Variants in LRP1B observed in about 807,000 individuals in gnomAD.
The protein encoded by LRP1B is low-density lipoprotein receptor-related protein 1B.
Under a neutral mutation model 556.6 loss-of-function variants are expected in LRP1B, and 217 were observed. The observed-to-expected ratio is 0.39, with a 90% CI of 0.35 to 0.44. The LOEUF (loss-of-function observed/expected upper bound fraction) is 0.44. Ranked by LOEUF, LRP1B falls within the 20% of genes least tolerant of loss-of-function variation. The pLI is 1.00. For missense variants in LRP1B, 5,053 were observed against 5,620.8 expected, an observed-to-expected ratio of 0.90 and a Z score of 3.23; for synonymous variants, 2,047 against 1,865.8, an observed-to-expected ratio of 1.10 and a Z score of -2.50.
intron 43 of LRP1B, among the ~76,000 whole-genome samples, chr2:140,572,644 A>G (rs1265332474): frequency 4.0e-5 from 6 of 151,758 alleles, no homozygotes; most frequent in Non-Finnish European, 3.0e-5. Flanking sequence ...CATGGGAAAG[A>G]AAATTAGTAT....
intron 1 of LRP1B, among the ~76,000 whole-genome samples, chr2:141,955,792 A>G (rs1224207500): frequency 6.6e-6 from 1 of 152,016 alleles, no homozygotes; most frequent in Admixed American, 6.6e-5. Flanking sequence ...CTGTCTCTGC[A>G]TTTTCCAGTC....
chr2:140,490,146 G>A (rs1688639789), intron 57 of LRP1B, among the ~76,000 whole-genome samples: 1 of 152,034 alleles, frequency 6.6e-6, no homozygotes, highest in Admixed American at 6.6e-5. Flanking sequence ...TTTCATTTCT[G>A]TAGCTAAAGA....
chr2:141,206,445 C>A (rs1285583496), intron 6 of LRP1B, among the ~76,000 whole-genome samples: 2 of 151,804 alleles, frequency 1.3e-5, no homozygotes, highest in African/African-American at 2.4e-5. Context: ...ATTAGCCAGG[C>A]GTGGTGGCGG....
intron 3 of LRP1B, among the ~76,000 whole-genome samples, chr2:141,307,946 G>A (rs1212877257): frequency 6.6e-6 from 1 of 152,296 alleles, no homozygotes; most frequent in East Asian, 1.9e-4. Context: ...CTTTGTAATG[G>A]TGTTGGTGGT....
At chr2:140,974,100 A>C (rs1696518249) in intron 18 of LRP1B, among the ~76,000 whole-genome samples, 1 of 152,162 alleles carries the variant, frequency 6.6e-6, no homozygotes, top group South Asian at 2.1e-4. Context: ...GATTGTGGAC[A>C]AAGTTATTGA....
chr2:140,721,055 C>A (rs1051525351), intron 35 of LRP1B, among the ~76,000 whole-genome samples: 1 of 151,996 alleles, frequency 6.6e-6, no homozygotes, highest in African/African-American at 2.4e-5. Context: ...TAAATATATT[C>A]ATGTAAAAAG....
At chr2:141,140,033 T>A (rs1275168695) in intron 7 of LRP1B, among the ~76,000 whole-genome samples, 8 of 151,990 alleles carry the variant, frequency 5.3e-5, no homozygotes, top group Admixed American at 5.3e-4. Context: ...TAATTATTGA[T>A]AAATGCAACA....
chr2:141,348,390 A>G (rs1441246601), intron 3 of LRP1B, among the ~76,000 whole-genome samples: 1 of 152,022 alleles, frequency 6.6e-6, no homozygotes, highest in African/African-American at 2.4e-5. Flanking sequence ...GATAACTTCT[A>G]CTTAATAAAT....
At chr2:140,752,616 C>T (rs762385116) in intron 35 of LRP1B, among the ~76,000 whole-genome samples, 6 of 152,134 alleles carry the variant, frequency 3.9e-5, no homozygotes, top group South Asian at 2.1e-4. Flanking sequence ...TGAGCCACCA[C>T]GCCCAGGCAA....
chr2:141,908,661 T>C (rs1307252327), intron 1 of LRP1B, among the ~76,000 whole-genome samples: 1 of 152,084 alleles, frequency 6.6e-6, no homozygotes, highest in Non-Finnish European at 1.5e-5. Context: ...TAAATATATA[T>C]GAATACTTCT....
At chr2:141,705,478 T>TA (rs1296813228) in intron 2 of LRP1B, among the ~76,000 whole-genome samples, 1 of 152,016 alleles carries the variant, frequency 6.6e-6, no homozygotes, top group African/African-American at 2.4e-5. Flanking sequence ...ACTCTACCTT[T>TA]AAATGTAGGT....
intron 2 of LRP1B, among the ~76,000 whole-genome samples, chr2:141,591,073 G>C (rs761162691): frequency 6.6e-6 from 1 of 152,154 alleles, no homozygotes; most frequent in Admixed American, 6.5e-5. Context: ...CTGTAATTAT[G>C]AGATAATTTA....
intron 1 of LRP1B, among the ~76,000 whole-genome samples, chr2:141,897,019 G>T (rs149030126): frequency 1.5e-4 from 23 of 152,022 alleles, no homozygotes; most frequent in Non-Finnish European, 3.1e-4. Context: ...CTATATCATT[G>T]CCTGATTTCC....
intron 2 of LRP1B, among the ~76,000 whole-genome samples, chr2:141,750,706 A>C (rs2105566191): frequency 6.6e-6 from 1 of 152,294 alleles, no homozygotes; most frequent in South Asian, 2.1e-4. Flanking sequence ...GAAACAGTGA[A>C]GCTTTTAAAA....
intron 1 of LRP1B, among the ~76,000 whole-genome samples, chr2:142,004,686 A>AAATATAATTTGAAATATATTTCAAAT (rs1328295443): frequency 6.6e-6 from 1 of 151,966 alleles, no homozygotes; most frequent in Non-Finnish European, 1.5e-5. Context: ...TCTTTACTAA[A>AAATATAATTTGAAATATATTTCAAAT]AATATGAAAA....
intron 3 of LRP1B, among the ~76,000 whole-genome samples, chr2:141,271,289 G>A (rs1219709634): frequency 6.6e-6 from 1 of 150,954 alleles, no homozygotes. Flanking sequence ...CACATAATGA[G>A]AGTAGCAAAA....
intron 15 of LRP1B, among the ~76,000 whole-genome samples, chr2:141,001,517 T>A (rs1420477943): frequency 6.6e-6 from 1 of 152,066 alleles, no homozygotes. Context: ...CCCCACCCTG[T>A]GTCCAAGTGT....
intron 3 of LRP1B, among the ~76,000 whole-genome samples, chr2:141,424,210 T>C (rs1052947529): frequency 1.3e-5 from 2 of 149,192 alleles, no homozygotes; most frequent in Non-Finnish European, 3.0e-5. Context: ...GCCTCTTGGG[T>C]TCAAGCAATT....
chr2:141,838,009 G>A lies in LRP1B; in HGVS notation c.83-27608C>T, dbSNP rs1325168026. 2.6e-5 allele frequency among the ~76,000 whole-genome samples: 4 copies of A among 152,124 alleles called. No homozygotes were observed. In the East Asian group the frequency reaches 7.7e-4, roughly 29 times the overall value. On this transcript the variant is annotated intron_variant, in intron 1 of 90. Transcript: ENST00000389484. ...ATACACTAGGAGAATAGGAGTAAAC[G>A]TGGAGCCGGGTAGGGTCCCGTGGGT...
Sources: gnomAD v4.1 joint callset for allele counts (sites outside exome capture counted in the v4.1 genomes callset) on GRCh38, gnomAD v4.1.1 for gene constraint, MANE v1.5 for transcripts, NCBI Gene and HGNC (gene_info 2026-07-23, HGNC 2026-07-21) for gene names.